The following ATP6V1H variants were observed in gnomAD, a reference collection of about 807,000 sequenced individuals.
ATP6V1H encodes the protein ATPase H+ transporting V1 subunit H.
In ATP6V1H, 39 loss-of-function variants were observed where a neutral mutation model predicts 71.7. That is an observed-to-expected ratio of 0.54 (90% CI 0.42 to 0.71). ATP6V1H has a LOEUF of 0.71. Ranked by LOEUF, ATP6V1H falls within the 30% of genes least tolerant of loss-of-function variation. The pLI is 0.00. For missense variants in ATP6V1H, 509 were observed against 594.9 expected (o/e 0.86, Z 1.50); for synonymous variants, 192 against 199.3 (o/e 0.96, Z 0.31).
chr8:53,822,596 T>G (rs1810697059), intron 4 of ATP6V1H, among the ~76,000 whole-genome samples: 1 of 151,876 alleles, frequency 6.6e-6, no homozygotes, highest in African/African-American at 2.4e-5. Flanking sequence ...AAACACATAA[T>G]GAAGAATAAA....
intron 2 of ATP6V1H, among the ~76,000 whole-genome samples, chr8:53,836,530 T>TA (rs1299437602): frequency 6.6e-6 from 1 of 152,160 alleles, no homozygotes; most frequent in African/African-American, 2.4e-5. Context: ...GCCCCAGACC[T>TA]AACAATCTTC....
At chr8:53,839,659 G>A (rs1811282719) in intron 2 of ATP6V1H, 1 of 985,218 alleles carries the variant, frequency 1.0e-6, no homozygotes, top group Admixed American at 6.2e-5. Flanking sequence ...TCAATCAAGA[G>A]GCAGATATGG....
intron 9 of ATP6V1H, among the ~76,000 whole-genome samples, chr8:53,784,138 G>C (rs1385630100): frequency 6.6e-6 from 1 of 152,146 alleles, no homozygotes; most frequent in East Asian, 1.9e-4. Flanking sequence ...GTTGACAGTG[G>C]GGTGTTAAAG....
At chr8:53,773,107 C>A (rs894401985) in intron 9 of ATP6V1H, among the ~76,000 whole-genome samples, 7 of 152,098 alleles carry the variant, frequency 4.6e-5, no homozygotes, top group African/African-American at 1.7e-4. Context: ...TTTAAGTACC[C>A]TGAGAGTAGT....
chr8:53,841,661 C>G lies in ATP6V1H; in HGVS notation c.30G>C (p.Val10=), dbSNP rs2130552717. The G allele has an allele frequency of 1.9e-6, 3 of 1,614,004 alleles. No homozygotes were observed. In the South Asian group the frequency reaches 3.3e-5, roughly 18 times the overall value. The change falls in exon 2 of 14, where the codon GTG becomes GTC. Residue 10 remains valine, a synonymous_variant. Transcript: ENST00000359530. MTKMDIRGA[V]DAAVPTNIIA... Reference sequence around the variant, plus strand: ...TAATATTGGTGGGGACAGCAGCATCCACAGCACCTCGGATATCCATTTTGG... The same window carrying G: ...TAATATTGGTGGGGACAGCAGCATCGACAGCACCTCGGATATCCATTTTGG...
At chr8:53,827,955 T>C (rs896385188) in intron 4 of ATP6V1H, among the ~76,000 whole-genome samples, 1 of 152,228 alleles carries the variant, frequency 6.6e-6, no homozygotes, top group Non-Finnish European at 1.5e-5. Flanking sequence ...TTCTGTTTTA[T>C]GGCCGTATAG....
intron 6 of ATP6V1H, among the ~76,000 whole-genome samples, chr8:53,812,075 C>G (rs1317750444): frequency 6.6e-6 from 1 of 152,110 alleles, no homozygotes; most frequent in Non-Finnish European, 1.5e-5. Context: ...AGTAATATCA[C>G]AAATAATTGT....
Position 53,774,025 on chromosome 8 carries a change from T to A in ATP6V1H, c.871-1858A>T, listed in dbSNP as rs145134882. On this transcript the variant is annotated intron_variant, in intron 9 of 13. Transcript: ENST00000359530. ...ACAAATGAATAGAGGCTCAGTAATCTGTTATGTATTATCAAATGGCCCAAC... is the reference window on the plus strand; with the variant it reads ...ACAAATGAATAGAGGCTCAGTAATCAGTTATGTATTATCAAATGGCCCAAC... Among the ~76,000 whole-genome samples the A allele has an allele frequency of 6.0e-3, 911 of 152,282 alleles. 25 individuals are homozygous for A. Among genetic ancestry groups the A allele is most frequent in the Admixed American group, 0.044 (673 of 15,306 alleles).
intron 2 of ATP6V1H, chr8:53,839,816 A>G: frequency 1.0e-6 from 1 of 985,440 alleles, no homozygotes; most frequent in Non-Finnish European, 1.2e-6. Flanking sequence ...CTAACTTCAT[A>G]TCAATCATGG....
intron 9 of ATP6V1H, among the ~76,000 whole-genome samples, chr8:53,781,110 C>G (rs1292455807): frequency 6.6e-6 from 1 of 152,160 alleles, no homozygotes; most frequent in Non-Finnish European, 1.5e-5. Flanking sequence ...CCTCAGGAAT[C>G]GCCACACTGA....
Position 53,786,024 on chromosome 8 carries a change from C to G in ATP6V1H, c.870+9623G>C, listed in dbSNP as rs535384571. On this transcript the variant is annotated intron_variant, in intron 9 of 13. Transcript: ENST00000359530. The stretch of plus-strand genomic sequence containing the variant: ...GGAGGTAGTCTGCCCATTCTCAGAT[C>G]TCAAGCTGCGTGCTGGGAGAACCAC... 3.9e-5 allele frequency among the ~76,000 whole-genome samples: 6 copies of G among 152,356 alleles called. No homozygotes were observed. The South Asian group carries it at 1.0e-3, about 26-fold the overall frequency.
intron 6 of ATP6V1H, among the ~76,000 whole-genome samples, chr8:53,812,214 A>C (rs1810297184): frequency 6.6e-6 from 1 of 152,166 alleles, no homozygotes; most frequent in Non-Finnish European, 1.5e-5. Flanking sequence ...AAGCAAGGCC[A>C]GGCTAAGCCT....
At chr8:53,785,998 A>T (rs1809370632) in intron 9 of ATP6V1H, among the ~76,000 whole-genome samples, 1 of 152,194 alleles carries the variant, frequency 6.6e-6, no homozygotes, top group Non-Finnish European at 1.5e-5. Context: ...GACCCACTTG[A>T]GGAGGTAGTC....
intron 7 of ATP6V1H, among the ~76,000 whole-genome samples, chr8:53,807,962 A>C (rs1810144500): frequency 6.6e-6 from 1 of 152,240 alleles, no homozygotes; most frequent in South Asian, 2.1e-4. Flanking sequence ...ACCATCACAG[A>C]AATTTCTACT....
chr8:53,762,260 A>G (rs1394613828), intron 11 of ATP6V1H, among the ~76,000 whole-genome samples: 2 of 149,190 alleles, frequency 1.3e-5, no homozygotes, highest in Non-Finnish European at 2.9e-5. Context: ...CTATAGGAAC[A>G]CTAAAAAAAA....
intron 13 of ATP6V1H, among the ~76,000 whole-genome samples, chr8:53,742,449 G>A (rs1469925018): frequency 6.6e-6 from 1 of 152,116 alleles, no homozygotes; most frequent in Non-Finnish European, 1.5e-5. Context: ...GAGCTGTATG[G>A]CTGGTTACTT....
intron 13 of ATP6V1H, among the ~76,000 whole-genome samples, chr8:53,741,896 C>G (rs1409283075): frequency 1.3e-5 from 2 of 152,210 alleles, no homozygotes; most frequent in Non-Finnish European, 2.9e-5. Context: ...CTAGGCCAAG[C>G]CACCAACTAC....
In ATP6V1H at chr8:53,795,803, C is replaced by T. The variant is rs774001932; in HGVS notation, c.714G>A (p.Gln238=). The change falls in exon 9 of 14, where the codon CAG becomes CAA. Residue 238 remains glutamine, a synonymous_variant. Transcript: ENST00000359530. ...MGVLSNKCGF[Q]LQYQMIFSIW... is the part of the protein sequence containing the mutation. ...TTGAAAAAATCATTTGATACTGGAG[C>T]TGAAAGCCACACTTGTTACTCAACA... 6.2e-7 allele frequency: 1 copy of T among 1,613,116 alleles called. No homozygotes were observed. The highest frequency in any genetic ancestry group is 8.5e-7 in the Non-Finnish European group (1 of 1,179,714).
chr8:53,822,210 A>G (rs1197087318), intron 4 of ATP6V1H, among the ~76,000 whole-genome samples: 1 of 152,200 alleles, frequency 6.6e-6, no homozygotes, highest in African/African-American at 2.4e-5. Context: ...CTGTACACAT[A>G]AGACATTCCT....
Sources: gnomAD v4.1 joint callset for allele counts (sites outside exome capture counted in the v4.1 genomes callset) on GRCh38, gnomAD v4.1.1 for gene constraint, MANE v1.5 for transcripts, NCBI Gene and HGNC (gene_info 2026-07-23, HGNC 2026-07-21) for gene names.